ENTREP2: variants seen among roughly 807,000 people sequenced by gnomAD.
ENTREP2 encodes the protein endosomal transmembrane epsin interactor 2, also known as protein ENTREP2.
the ENTREP2 span, among the ~76,000 whole-genome samples, chr15:29,522,183 A>C: frequency 6.6e-6 from 1 of 152,356 alleles, no homozygotes; most frequent in East Asian, 1.9e-4. Context: ...AAATCTGTAA[A>C]GGAAAGAATG....
At chr15:29,176,076 C>T in the ENTREP2 span, among the ~76,000 whole-genome samples, 4 of 152,248 alleles carry the variant, frequency 2.6e-5, no homozygotes, top group Non-Finnish European at 5.9e-5. Flanking sequence ...TACTGGCTGA[C>T]ATGCAGAAGT....
the ENTREP2 span, among the ~76,000 whole-genome samples, chr15:29,210,186 T>C: frequency 6.6e-6 from 1 of 152,134 alleles, no homozygotes; most frequent in Non-Finnish European, 1.5e-5. Context: ...CTCTCACAAC[T>C]AAGCCACTAT....
chr15:29,542,172 C>G, the ENTREP2 span, among the ~76,000 whole-genome samples: 237 of 152,296 alleles, frequency 1.6e-3, no homozygotes, highest in Non-Finnish European at 2.6e-3. Context: ...GCCACCATGC[C>G]CAGCTAATCT....
At chr15:29,671,212 C>A in the ENTREP2 span, among the ~76,000 whole-genome samples, 875 of 152,344 alleles carry the variant, frequency 5.7e-3, 11 homozygotes, top group African/African-American at 0.02. Context: ...GCGGACAGAA[C>A]CTCCTGGGCT....
the ENTREP2 span, among the ~76,000 whole-genome samples, chr15:29,185,212 C>A: frequency 6.6e-6 from 1 of 151,872 alleles, no homozygotes; most frequent in Non-Finnish European, 1.5e-5. Flanking sequence ...TCAAATTGCT[C>A]AGAACAATTG....
chr15:29,203,559 C>G, the ENTREP2 span, among the ~76,000 whole-genome samples: 1 of 152,058 alleles, frequency 6.6e-6, no homozygotes, highest in Non-Finnish European at 1.5e-5. Context: ...TGATGATGAG[C>G]TTTTTTTCAT....
the ENTREP2 span, among the ~76,000 whole-genome samples, chr15:29,464,552 G>A: frequency 1.3e-5 from 2 of 152,208 alleles, no homozygotes; most frequent in East Asian, 1.9e-4. Flanking sequence ...CAGAAGGCTC[G>A]TGAGTACTTC....
chr15:29,234,880 C>T, the ENTREP2 span: 1 of 1,491,812 alleles, frequency 6.7e-7, no homozygotes, highest in Non-Finnish European at 9.4e-7. Flanking sequence ...GAATTGTTGT[C>T]AAAACCTTTC....
At chr15:29,234,079 G>A in the ENTREP2 span, 49 of 1,489,816 alleles carry the variant, frequency 3.3e-5, no homozygotes, top group African/African-American at 9.8e-5. Context: ...TTGCTTCTTC[G>A]AACCGTCTTG....
At chr15:29,439,625 C>T in the ENTREP2 span, among the ~76,000 whole-genome samples, 1 of 152,206 alleles carries the variant, frequency 6.6e-6, no homozygotes, top group Non-Finnish European at 1.5e-5. Context: ...AGAATGCTAA[C>T]ATCAGTGCTT....
At chr15:29,582,941 G>A in the ENTREP2 span, among the ~76,000 whole-genome samples, 1 of 152,192 alleles carries the variant, frequency 6.6e-6, no homozygotes, top group Non-Finnish European at 1.5e-5. Context: ...GAGCCACCGT[G>A]CCCAGCCCTG....
At chr15:29,463,113 G>C in the ENTREP2 span, among the ~76,000 whole-genome samples, 1 of 152,132 alleles carries the variant, frequency 6.6e-6, no homozygotes, top group Non-Finnish European at 1.5e-5. Context: ...GGTACATGGA[G>C]GGGGAGTGAC....
chr15:29,302,029 C>T, the ENTREP2 span, among the ~76,000 whole-genome samples: 7 of 152,188 alleles, frequency 4.6e-5, no homozygotes, highest in South Asian at 1.0e-3. Context: ...CTAAGACACC[C>T]GGGGTCTTTG....
chr15:29,241,201 A>G, the ENTREP2 span, among the ~76,000 whole-genome samples: 1 of 152,222 alleles, frequency 6.6e-6, no homozygotes, highest in African/African-American at 2.4e-5. Context: ...CAGGCCTGCG[A>G]TAGCAAAACA....
the ENTREP2 span, among the ~76,000 whole-genome samples, chr15:29,492,220 T>A: frequency 6.6e-6 from 1 of 152,198 alleles, no homozygotes; most frequent in Non-Finnish European, 1.5e-5. Flanking sequence ...ATCACCTGTA[T>A]AAAACTGGCG....
chr15:29,664,102 C>T, the ENTREP2 span, among the ~76,000 whole-genome samples: 4 of 151,994 alleles, frequency 2.6e-5, no homozygotes, highest in South Asian at 4.2e-4. Context: ...GCATATATTA[C>T]AATCTGATGC....
At chr15:29,212,401 C>T in the ENTREP2 span, among the ~76,000 whole-genome samples, 1,249 of 152,236 alleles carry the variant, frequency 8.2e-3, 4 homozygotes, top group Non-Finnish European at 0.013. Flanking sequence ...AATGGTCTAT[C>T]AATTTTACTT....
chr15:29,431,847 G>A, the ENTREP2 span, among the ~76,000 whole-genome samples: 1 of 152,144 alleles, frequency 6.6e-6, no homozygotes, highest in Non-Finnish European at 1.5e-5. Context: ...TCTCACTCCA[G>A]GTCTGAGAAC....
chr15:29,623,047 G>A, the ENTREP2 span, among the ~76,000 whole-genome samples: 1 of 152,176 alleles, frequency 6.6e-6, no homozygotes, highest in Non-Finnish European at 1.5e-5. Flanking sequence ...AAATTTTACA[G>A]CAAAAGCTAT....
Sources: gnomAD v4.1 joint callset for allele counts (sites outside exome capture counted in the v4.1 genomes callset) on GRCh38, gnomAD v4.1.1 for gene constraint, MANE v1.5 for transcripts, NCBI Gene and HGNC (gene_info 2026-07-23, HGNC 2026-07-21) for gene names.